Variants in GET4 observed in about 807,000 individuals in gnomAD.
The protein encoded by GET4 is guided entry of tail-anchored proteins factor 4.
In GET4, 20 loss-of-function variants were observed where a neutral mutation model predicts 40.0. The observed-to-expected ratio is 0.50, with a 90% confidence interval of 0.35 to 0.73. The LOEUF (loss-of-function observed/expected upper bound fraction) is 0.73. GET4 is among the 30% of genes least tolerant of loss of function. The pLI, the probability that GET4 is intolerant of heterozygous loss-of-function variation, is 0.01. For synonymous variants in GET4, 280 were observed against 194.6 expected (o/e 1.44, Z -3.65); for missense variants, 557 against 454.0 (o/e 1.23, Z -2.06).
chr7:880,482 A>G (rs1164472906), intron 1 of GET4: 1 of 152,268 alleles, frequency 6.6e-6, no homozygotes, highest in Non-Finnish European at 1.5e-5. Flanking sequence ...GTCCCTGGTC[A>G]AGGGTGAATT....
rs749957924 is a variant in GET4, at chr7:893,731, C to G, written c.747-9C>G. ...TCACCCAGCACATCCCTGTGTGTCT[C>G]TGTCCCAGTGGGAAGCTGACGGTGT... On this transcript the variant is annotated splice_polypyrimidine_tract_variant and intron_variant, in intron 6 of 8. Transcript: ENST00000265857. 1.3e-6 allele frequency: 2 copies of G among 1,587,470 alleles called. No individual in the cohort carries two copies. Among genetic ancestry groups the G allele is most frequent in the South Asian group, 1.1e-5 (1 of 89,438 alleles).
intron 1 of GET4, chr7:878,246 T>C: frequency 2.1e-6 from 1 of 470,858 alleles, no homozygotes; most frequent in Non-Finnish European, 4.4e-6. Flanking sequence ...GGCTGCTGCG[T>C]GGCTTGGTTG....
At chr7:893,100 G>C (rs1367106886) in intron 6 of GET4, among the ~76,000 whole-genome samples, 4 of 147,058 alleles carry the variant, frequency 2.7e-5, no homozygotes, top group Non-Finnish European at 6.0e-5. Flanking sequence ...CGGGCGTGGT[G>C]ATGTGTGCAG....
intron 3 of GET4, chr7:887,064 C>A: frequency 1.7e-6 from 1 of 600,564 alleles, no homozygotes. Context: ...GGGAGATGCC[C>A]CGGGCCAGAG....
intron 8 of GET4, among the ~76,000 whole-genome samples, chr7:894,245 G>A (rs1474564920): frequency 2.0e-5 from 3 of 151,904 alleles, no homozygotes; most frequent in Non-Finnish European, 2.9e-5. Flanking sequence ...GGCTGGCTGC[G>A]TGCTCCCCCG....
chr7:888,926 T>C (rs992626834), intron 4 of GET4, among the ~76,000 whole-genome samples: 3 of 152,214 alleles, frequency 2.0e-5, no homozygotes, highest in African/African-American at 7.2e-5. Flanking sequence ...CAGGAACAAA[T>C]GCGTCAACAC....
At chr7:883,453 G>GT in intron 1 of GET4, 2 of 956,256 alleles carry the variant, frequency 2.1e-6, no homozygotes, top group Non-Finnish European at 1.2e-6. Flanking sequence ...TAATGCTTGC[G>GT]TTTCTGTGTT....
rs906481077 is a variant in GET4 at position 891,157 on chromosome 7, G to A, written c.605+91G>A. On this transcript the variant is annotated intron_variant, in intron 5 of 8. Coordinates refer to ENST00000265857, the MANE Select transcript of GET4 (RefSeq NM_015949.3). ...GGTCCCCTTGTCCCCTGTCCGAGCCGAGCTGCAGGATAAACTGAGTTCACT... is the reference window on the plus strand; with the variant it reads ...GGTCCCCTTGTCCCCTGTCCGAGCCAAGCTGCAGGATAAACTGAGTTCACT... 9.0e-6 allele frequency: 9 copies of A among 998,426 alleles called. No individual in the cohort carries two copies. The African/African-American group carries it at 9.8e-5, about 11-fold the overall frequency. 61.8% of individuals were successfully genotyped at this position (998,426 alleles called of 1,614,324 possible).
In GET4 at chr7:892,356, C is replaced by G. The variant is rs766332540; in HGVS notation, c.684C>G (p.Asp228Glu). The G allele has an allele frequency of 6.3e-7, 1 of 1,595,306 alleles. No homozygotes were observed. The highest frequency in any genetic ancestry group is 2.3e-5 in the East Asian group (1 of 44,216). The change falls in exon 6 of 9, where the codon GAC (aspartate) becomes GAG (glutamate). Residue 228 changes from aspartate to glutamate, a missense_variant. Transcript: ENST00000265857. ...CCCAGAAGCACCCGTCCATCGAGGA[C>G]GGGCCTCCGTTTGTGGAGCCGCTGC... ...TYTQKHPSIE[D>E]GPPFVEPLLN...
chr7:876,698 GC>G lies in GET4; in HGVS notation c.54del (p.Asn19ThrfsTer96). 1 of 1,353,632 alleles carries G rather than the reference GC, an allele frequency of 7.4e-7. No homozygotes were observed. The highest frequency in any genetic ancestry group is 9.6e-7 in the Non-Finnish European group (1 of 1,038,984). The allele number at this position is 1,353,632 out of a possible 1,614,324, so 83.9% of individuals were successfully genotyped here. A position where few individuals can be genotyped will look rare whatever the true frequency, so the allele number is the denominator to read the frequency against. On this transcript the variant is annotated frameshift_variant, in exon 1 of 9. Transcript: ENST00000265857. LOFTEE classifies it high-confidence loss of function. ...CAGGAGAGCGCCCGGAACGGCGGCC[GC>G]AACCGCGGCGGCGTCCAGCGTGTGG... ...AEQESARNGG[R>X]NRGGVQRVEG...
At position 895,636 on chromosome 7, in the gene GET4, T is replaced by C; in HGVS notation, c.*214T>C. 1 of 423,626 alleles carries C rather than the reference T, an allele frequency of 2.4e-6. No homozygotes were observed. The highest frequency in any genetic ancestry group is 4.3e-6 in the Non-Finnish European group (1 of 235,098). 26.2% of individuals were successfully genotyped at this position (423,626 alleles called of 1,614,324 possible). A position where few individuals can be genotyped will look rare whatever the true frequency, so the allele number is the denominator to read the frequency against. ...CCCAAGAGTGGGGCGTCGCCCCTGC[T>C]GGCCGCCGCGTCCCCCGAGATTGAC... On this transcript the variant is annotated 3_prime_UTR_variant, in exon 9 of 9. Coordinates refer to ENST00000265857, the MANE Select transcript of GET4 (RefSeq NM_015949.3).
chr7:894,869 C>A (rs1438910059), intron 8 of GET4, among the ~76,000 whole-genome samples: 1 of 152,226 alleles, frequency 6.6e-6, no homozygotes, highest in Non-Finnish European at 1.5e-5. Context: ...ACAGTGACCG[C>A]AGTTGGCCCC....
At chr7:891,157 G>C (rs906481077) in intron 5 of GET4, 91 bp downstream of exon 5, 2 of 998,546 alleles carry the variant, frequency 2.0e-6, no homozygotes, top group Non-Finnish European at 1.5e-6. Flanking sequence ...TGTCCGAGCC[G>C]AGCTGCAGGA....
Position 886,630 on chromosome 7 carries a change from A to G in GET4, c.296A>G (p.Glu99Gly). ...GAGTCCCTGGAGAAGGCGGAAGTGG[A>G]GGTGGCTGACGAGCTGCTGGGTGAG... is the stretch of plus-strand genomic sequence containing the variant. ...VLESLEKAEV[E>G]VADELLENLA... Residue 99 changes from glutamate (E) to glycine (G), a missense_variant, in exon 3 of 9, where the codon GAG (glutamate) becomes GGG (glycine). Coordinates refer to ENST00000265857, the MANE Select transcript of GET4 (RefSeq NM_015949.3). 3.1e-6 allele frequency: 5 copies of G among 1,612,194 alleles called. No homozygotes were observed. Among genetic ancestry groups the G allele is most frequent in the Non-Finnish European group, 4.2e-6 (5 of 1,179,132 alleles).
At chr7:883,821 C>A (rs929266574) in intron 1 of GET4, 1 of 993,390 alleles carries the variant, frequency 1.0e-6, no homozygotes, top group African/African-American at 1.7e-5. Context: ...GAGAAGCCGT[C>A]CACGTTCAGA....
intron 1 of GET4, chr7:883,564 C>T: frequency 1.0e-6 from 1 of 984,552 alleles, no homozygotes; most frequent in Non-Finnish European, 1.2e-6. Context: ...GCAGAGAGCA[C>T]CAGCGCTCAC....
chr7:882,514 G>A (rs550266597), intron 1 of GET4: 7 of 152,762 alleles, frequency 4.6e-5, no homozygotes, highest in Admixed American at 3.9e-4. Flanking sequence ...TGGATGGCGC[G>A]AGTTATGGGC....
intron 1 of GET4, among the ~76,000 whole-genome samples, chr7:879,577 T>C (rs1043015297): frequency 1.3e-5 from 2 of 152,222 alleles, no homozygotes; most frequent in African/African-American, 2.4e-5. Flanking sequence ...TTACATGACC[T>C]GAAGGGCAGC....
chr7:895,413 GCTGGACTGAA>G lies in GET4; in HGVS notation c.980_*5del. The G allele has an allele frequency of 1.3e-6, 2 of 1,571,194 alleles. No homozygotes were observed. The highest frequency in any genetic ancestry group is 1.7e-6 in the Non-Finnish European group (2 of 1,142,884). On this transcript the variant is annotated stop_lost and 3_prime_UTR_variant, in exon 9 of 9. Transcript: ENST00000265857. ...GCCCCAGCGACGGCAGCCCCATCGA[GCTGGACTGAA>G]CTGGCCAGGCCACGTGGAGACACCA...
Sources: allele counts gnomAD v4.1 joint callset (sites outside exome capture counted in the v4.1 genomes callset), GRCh38; gene constraint gnomAD v4.1.1; transcripts MANE v1.5; gene names NCBI Gene and HGNC (gene_info 2026-07-23, HGNC 2026-07-21).